Variants in IL20RB observed in about 807,000 individuals in gnomAD.
The protein encoded by IL20RB is interleukin-20 receptor subunit beta.
Under a neutral mutation model 33.3 loss-of-function variants are expected in IL20RB, and 21 were observed. That is an observed-to-expected ratio of 0.63 (90% CI 0.45 to 0.91). IL20RB has a LOEUF of 0.91. Among genes scored for constraint, IL20RB ranks in the 40% least tolerant of loss-of-function variants. The pLI, the probability that IL20RB is intolerant of heterozygous loss-of-function variation, is 0.00. For missense variants in IL20RB, 345 were observed against 384.8 expected (o/e 0.90, Z 0.86); for synonymous variants, 147 against 146.8 (o/e 1.00, Z -0.01).
At chr3:136,990,509 G>A (rs552140530) in intron 4 of IL20RB, among the ~76,000 whole-genome samples, 2 of 152,096 alleles carry the variant, frequency 1.3e-5, no homozygotes, top group South Asian at 4.2e-4. Context: ...CCAGCCTCTC[G>A]AGGCCTCTCA....
At chr3:136,991,164 C>T (rs149155810) in intron 4 of IL20RB, among the ~76,000 whole-genome samples, 1 of 152,332 alleles carries the variant, frequency 6.6e-6, no homozygotes, top group Non-Finnish European at 1.5e-5. Context: ...CTCCACTGCA[C>T]ACTGATTCCT....
chr3:137,008,681 C>G (rs1286017493), intron 6 of IL20RB, among the ~76,000 whole-genome samples: 2 of 151,512 alleles, frequency 1.3e-5, no homozygotes, highest in Non-Finnish European at 2.9e-5. Flanking sequence ...TGTGGCTCGT[C>G]CAAATTGAGA....
intron 5 of IL20RB, among the ~76,000 whole-genome samples, chr3:136,993,977 C>T (rs1275916670): frequency 6.7e-6 from 1 of 150,312 alleles, no homozygotes; most frequent in African/African-American, 2.5e-5. Flanking sequence ...TGCGCCACTG[C>T]ACTCCAGCCT....
chr3:136,972,081 A>T (rs1941500070), intron 1 of IL20RB, among the ~76,000 whole-genome samples: 3 of 152,090 alleles, frequency 2.0e-5, no homozygotes, highest in African/African-American at 7.2e-5. Context: ...CATTTCTCTG[A>T]TGGTTAGTGA....
Position 136,958,192 on chromosome 3 carries a change from T to G in IL20RB, c.79T>G (p.Leu27Val). 3 of 1,600,170 alleles carry G rather than the reference T, an allele frequency of 1.9e-6. No homozygotes were observed. In the South Asian group the frequency reaches 3.3e-5, roughly 18 times the overall value. ...GTTTTTCTACGCATTGATTCCATGT[T>G]TGCTCACAGGTAAGTATGAATTAGA... ...MWFFYALIPC[L>V]LTDEVAILPA... is the part of the protein sequence containing the mutation. The change falls in exon 1 of 7, where the codon TTG becomes GTG. Residue 27 changes from leucine to valine, a missense_variant. Leu to Val is a conservative substitution (Grantham distance 32, BLOSUM62 1). Transcript: ENST00000329582.
intron 6 of IL20RB, among the ~76,000 whole-genome samples, chr3:137,008,841 C>G (rs1933005617): frequency 1.3e-5 from 2 of 151,984 alleles, no homozygotes; most frequent in African/African-American, 4.8e-5. Flanking sequence ...ATTAGTTCCA[C>G]CTGTTTCTTT....
chr3:136,996,005 T>G (rs1457267893), intron 6 of IL20RB, among the ~76,000 whole-genome samples: 1 of 152,204 alleles, frequency 6.6e-6, no homozygotes, highest in Admixed American at 6.5e-5. Flanking sequence ...GTGAAGAAGA[T>G]GTACATGGGA....
At chr3:137,001,348 C>A (rs1303860785) in intron 6 of IL20RB, among the ~76,000 whole-genome samples, 4 of 152,188 alleles carry the variant, frequency 2.6e-5, no homozygotes, top group South Asian at 4.1e-4. Context: ...TGGACAAATT[C>A]TCTGAGTCTA....
chr3:136,961,964 T>C (rs1253618775), intron 1 of IL20RB, among the ~76,000 whole-genome samples: 1 of 152,058 alleles, frequency 6.6e-6, no homozygotes, highest in East Asian at 1.9e-4. Context: ...GCTAGAACAA[T>C]TTGAATAATA....
intron 1 of IL20RB, among the ~76,000 whole-genome samples, chr3:136,975,078 G>A (rs1340488545): frequency 6.6e-6 from 1 of 151,962 alleles, no homozygotes; most frequent in Non-Finnish European, 1.5e-5. Flanking sequence ...TTTAATATCA[G>A]TGTGTTTAAT....
At chr3:137,002,308 T>C (rs562432048) in intron 6 of IL20RB, among the ~76,000 whole-genome samples, 9 of 152,292 alleles carry the variant, frequency 5.9e-5, no homozygotes, top group East Asian at 1.9e-4. Flanking sequence ...GATTGCTGGG[T>C]CAAATGGTAA....
chr3:136,982,419 C>A, intron 3 of IL20RB, 69 bp downstream of exon 3: 1 of 1,137,280 alleles, frequency 8.8e-7, no homozygotes, highest in Non-Finnish European at 1.3e-6. Context: ...TTCACCTAAA[C>A]TTTCTAGACT....
intron 6 of IL20RB, among the ~76,000 whole-genome samples, chr3:137,003,508 A>G: frequency 6.6e-6 from 1 of 152,108 alleles, no homozygotes; most frequent in East Asian, 1.9e-4. Flanking sequence ...CTGGATTCCT[A>G]GGTATTTTAT....
At chr3:136,986,367 A>C (rs1271471371) in intron 3 of IL20RB, among the ~76,000 whole-genome samples, 1 of 152,110 alleles carries the variant, frequency 6.6e-6, no homozygotes, top group Non-Finnish European at 1.5e-5. Flanking sequence ...CTGTCAAACA[A>C]CTCTTCTCTG....
At chr3:136,985,631 C>T (rs1050860245) in intron 3 of IL20RB, among the ~76,000 whole-genome samples, 2 of 152,172 alleles carry the variant, frequency 1.3e-5, no homozygotes, top group African/African-American at 4.8e-5. Flanking sequence ...GCCGCTACGC[C>T]TGGCTGAGGG....
chr3:136,993,309 C>T (rs1420889989), intron 5 of IL20RB, among the ~76,000 whole-genome samples: 1 of 152,134 alleles, frequency 6.6e-6, no homozygotes, highest in African/African-American at 2.4e-5. Flanking sequence ...TGTGTGGTAC[C>T]AATGCTCACA....
At position 137,010,833 on chromosome 3, in the gene IL20RB, C is replaced by T. The variant is rs1230483055; in HGVS notation, c.*610C>T. 3.9e-5 allele frequency: 6 copies of T among 152,306 alleles called. No individual in the cohort carries two copies. Among genetic ancestry groups the T allele is most frequent in the Non-Finnish European group, 5.9e-5 (4 of 68,148 alleles). The allele number at this position is 152,306 out of a possible 1,614,324, so 9.4% of individuals were successfully genotyped here. On this transcript the variant is annotated 3_prime_UTR_variant, in exon 7 of 7. Transcript: ENST00000329582. ...GAGGGGAATGGCTTAGCGAGCTCTA[C>T]AGTAGGTGACCTGGAGGAAGGTCAC...
chr3:136,973,305 C>A (rs1941534250), intron 1 of IL20RB, among the ~76,000 whole-genome samples: 2 of 151,272 alleles, frequency 1.3e-5, no homozygotes, highest in African/African-American at 4.9e-5. Flanking sequence ...CAGGGTGAAA[C>A]CCTGTCTCTA....
chr3:136,974,612 AT>A (rs1941571934), intron 1 of IL20RB, among the ~76,000 whole-genome samples: 1 of 152,076 alleles, frequency 6.6e-6, no homozygotes, highest in South Asian at 2.1e-4. Context: ...ACCATTTTAC[AT>A]TGTATCTCTC....
Sources: allele counts gnomAD v4.1 joint callset (sites outside exome capture counted in the v4.1 genomes callset), GRCh38; gene constraint gnomAD v4.1.1; transcripts MANE v1.5; gene names NCBI Gene and HGNC (gene_info 2026-07-23, HGNC 2026-07-21).